AGK: variants seen among roughly 807,000 people sequenced by gnomAD.
The protein encoded by AGK is acylglycerol kinase, also known as acylglycerol kinase, mitochondrial.
A neutral mutation model predicts 66.4 loss-of-function variants in AGK; 52 were observed. The ratio of observed to expected loss-of-function variants is 0.78; its 90% CI spans 0.63 to 0.99. The LOEUF (loss-of-function observed/expected upper bound fraction) is 0.99. Among genes scored for constraint, AGK ranks in the 50% least tolerant of loss-of-function variants. The pLI is 0.00. For synonymous variants in AGK, 182 were observed against 181.1 expected (o/e 1.00, Z -0.04); for missense variants, 451 against 506.6 (o/e 0.89, Z 1.05).
rs1455603431 is a variant in AGK at position 141,598,515 on chromosome 7, T to G, written c.221+1874T>G. The stretch of plus-strand genomic sequence containing the variant: ...TTCACTTCTTAAATCCCCAGTTTAC[T>G]CATCTGTAAAATCAGAAAGGCAATA... On this transcript the variant is annotated intron_variant, in intron 4 of 15. Transcript: ENST00000649286. This position sits in a 1 kb window ranked among gnomAD's most constrained non-coding sequence, Gnocchi z 4.2. Among the ~76,000 whole-genome samples, 1 of 152,196 alleles carries G rather than the reference T, an allele frequency of 6.6e-6. No individual in the cohort carries two copies. The highest frequency in any genetic ancestry group is 1.5e-5 in the Non-Finnish European group (1 of 68,040).
intron 9 of AGK, among the ~76,000 whole-genome samples, chr7:141,630,390 A>G (rs1057504245): frequency 3.9e-5 from 6 of 152,184 alleles, no homozygotes; most frequent in Admixed American, 1.3e-4. Context: ...GTATATTTAA[A>G]CATAACTAAG....
chr7:141,626,340 C>T (rs1303513844), intron 9 of AGK, among the ~76,000 whole-genome samples: 2 of 152,138 alleles, frequency 1.3e-5, no homozygotes, highest in African/African-American at 2.4e-5. Context: ...GATAGAAAAT[C>T]GCCATTTTTT....
chr7:141,605,399 A>G (rs1046139820), intron 5 of AGK, among the ~76,000 whole-genome samples: 1 of 152,178 alleles, frequency 6.6e-6, no homozygotes, highest in Admixed American at 6.6e-5. Context: ...AATCTTGAGC[A>G]GGTCCTGGGA....
intron 1 of AGK, among the ~76,000 whole-genome samples, chr7:141,554,361 T>G (rs1388432757): frequency 6.6e-6 from 1 of 151,902 alleles, no homozygotes; most frequent in South Asian, 2.1e-4. Flanking sequence ...AAAAAAATTG[T>G]TTTTGTTTAA....
At chr7:141,564,113 A>G (rs1795411751) in intron 2 of AGK, among the ~76,000 whole-genome samples, 1 of 152,218 alleles carries the variant, frequency 6.6e-6, no homozygotes, top group African/African-American at 2.4e-5. Context: ...TGTGCATGAC[A>G]GCACACCCTG....
intron 11 of AGK, among the ~76,000 whole-genome samples, chr7:141,638,695 G>T (rs1255362813): frequency 6.6e-6 from 1 of 152,090 alleles, no homozygotes; most frequent in African/African-American, 2.4e-5. Context: ...AAGAATGTAG[G>T]ATTATCAGAT....
intron 9 of AGK, among the ~76,000 whole-genome samples, chr7:141,628,074 G>A (rs1178739457): frequency 6.6e-6 from 1 of 152,178 alleles, no homozygotes; most frequent in East Asian, 1.9e-4. Flanking sequence ...TAGAGACGGA[G>A]TTTCACCATA....
At chr7:141,648,083 G>A (rs1473709174) in intron 13 of AGK, among the ~76,000 whole-genome samples, 2 of 152,094 alleles carry the variant, frequency 1.3e-5, no homozygotes, top group South Asian at 2.1e-4. Flanking sequence ...CCACATCGCC[G>A]GCTCCCTCAC....
At chr7:141,552,749 C>A (rs1795122244) in intron 1 of AGK, among the ~76,000 whole-genome samples, 1 of 152,130 alleles carries the variant, frequency 6.6e-6, no homozygotes, top group South Asian at 2.1e-4. Flanking sequence ...CTGTATAAGA[C>A]CCTTCAGTGA....
chr7:141,652,658 C>T (rs936193791), intron 15 of AGK, 129 bp from the exon 16 acceptor site: 2 of 982,756 alleles, frequency 2.0e-6, no homozygotes, highest in Admixed American at 2.3e-5. Context: ...TGTAAAAGAA[C>T]ATTAGGATAG....
intron 13 of AGK, among the ~76,000 whole-genome samples, chr7:141,644,320 CT>C (rs1357300135): frequency 1.3e-5 from 2 of 152,160 alleles, no homozygotes; most frequent in Admixed American, 6.5e-5. Context: ...ATGCCAAGTG[CT>C]TTTTATCTTT....
intron 2 of AGK, among the ~76,000 whole-genome samples, chr7:141,591,533 A>G (rs1796119544): frequency 1.3e-5 from 2 of 152,174 alleles, no homozygotes; most frequent in Non-Finnish European, 2.9e-5. Flanking sequence ...AGCCTTTGAC[A>G]GCAACTCTGG....
Position 141,580,277 on chromosome 7 carries a change from TG to T in AGK, c.102-12867del, listed in dbSNP as rs372579396. On this transcript the variant is annotated intron_variant, in intron 2 of 15. Coordinates refer to ENST00000649286, the MANE Select transcript of AGK (RefSeq NM_018238.4). ...GAGAGGTAGTGGAGTGGGGGCAGAG[TG>T]GTAGCTTCAATGATAGATGTGGAAG... is the stretch of plus-strand genomic sequence containing the variant. 4.4e-3 allele frequency among the ~76,000 whole-genome samples: 673 copies of T among 151,392 alleles called. 12 individuals are homozygous for T. Among genetic ancestry groups the T allele is most frequent in the African/African-American group, 0.016 (646 of 41,032 alleles).
At chr7:141,572,806 G>C (rs189592721) in intron 2 of AGK, among the ~76,000 whole-genome samples, 1,823 of 152,246 alleles carry the variant, frequency 0.012, 31 homozygotes, top group African/African-American at 0.041. Context: ...CAGGCTATGG[G>C]GGGGGGAAAT....
chr7:141,646,298 C>G lies in AGK; in HGVS notation c.976-2965C>G, dbSNP rs114516921. Among the ~76,000 whole-genome samples the G allele has an allele frequency of 4.4e-3, 674 of 152,152 alleles. 7 individuals are homozygous for G. The highest frequency in any genetic ancestry group is 0.016 in the African/African-American group (647 of 41,512). ...CCACCCGAGATAGAGGTTGAGTTAC[C>G]TACCAGTGAGCAGGCGGGACAGTCT... On this transcript the variant is annotated intron_variant, in intron 13 of 15. Transcript: ENST00000649286.
intron 2 of AGK, among the ~76,000 whole-genome samples, chr7:141,592,360 G>A (rs1449498650): frequency 1.3e-5 from 2 of 152,188 alleles, no homozygotes; most frequent in Non-Finnish European, 2.9e-5. Context: ...CATCTTCGCA[G>A]CTGGCAAAGT....
rs1207993277 is a variant in AGK, at chr7:141,653,585, A to C, written c.*661A>C. 2.6e-5 allele frequency: 4 copies of C among 152,234 alleles called. No individual in the cohort carries two copies. The highest frequency in any genetic ancestry group is 9.6e-5 in the African/African-American group (4 of 41,454). The allele number at this position is 152,234 out of a possible 1,614,324, so 9.4% of individuals were successfully genotyped here. On this transcript the variant is annotated 3_prime_UTR_variant, in exon 16 of 16. Coordinates refer to ENST00000649286, the MANE Select transcript of AGK (RefSeq NM_018238.4). ...GGGTCTACCCCAAACCTAATAACCC[A>C]AATTTGGGGATGGGGCCCAGGAATA...
intron 7 of AGK, among the ~76,000 whole-genome samples, chr7:141,614,626 T>C (rs560747282): frequency 6.6e-6 from 1 of 150,960 alleles, no homozygotes; most frequent in Non-Finnish European, 1.5e-5. Context: ...CAGAAAACAA[T>C]ACTATGTATG....
intron 2 of AGK, among the ~76,000 whole-genome samples, chr7:141,575,000 T>C (rs1445431968): frequency 6.6e-6 from 1 of 152,206 alleles, no homozygotes; most frequent in Non-Finnish European, 1.5e-5. Context: ...GGCTAATAAG[T>C]GTTCTTGAAT....
Sources: gnomAD v4.1 joint callset for allele counts (sites outside exome capture counted in the v4.1 genomes callset) on GRCh38, gnomAD v4.1.1 for gene constraint, Gnocchi (gnomAD v3.1) non-coding constraint, MANE v1.5 for transcripts, NCBI Gene and HGNC (gene_info 2026-07-23, HGNC 2026-07-21) for gene names.